The following ZNF423 variants were observed in gnomAD, a reference collection of about 807,000 sequenced individuals.
ZNF423 encodes the protein Ebf-associated zinc finger protein.
A neutral mutation model predicts 95.8 loss-of-function variants in ZNF423; 12 were observed. The ratio of observed to expected loss-of-function variants is 0.13; its 90% CI spans 0.08 to 0.20. ZNF423 has a LOEUF of 0.20. Ranked by LOEUF, ZNF423 falls within the 10% of genes least tolerant of loss-of-function variation. The pLI is 1.00. For synonymous variants in ZNF423, 749 were observed against 711.9 expected, an observed-to-expected ratio of 1.05 and a Z score of -0.83; for missense variants, 1,316 against 1,737.1, an observed-to-expected ratio of 0.76 and a Z score of 4.31.
chr16:49,683,475 G>T (rs1034185693), intron 3 of ZNF423, among the ~76,000 whole-genome samples: 3 of 152,174 alleles, frequency 2.0e-5, no homozygotes, highest in Non-Finnish European at 4.4e-5. Context: ...CAGAGAACTT[G>T]ACACCCAGAG....
intron 1 of ZNF423, among the ~76,000 whole-genome samples, chr16:49,831,457 G>C (rs749762419): frequency 2.6e-5 from 4 of 152,174 alleles, no homozygotes; most frequent in Non-Finnish European, 4.4e-5. Flanking sequence ...TCGGGCAGCT[G>C]TATGACCTTG....
At chr16:49,749,967 A>G (rs1422402605) in intron 2 of ZNF423, among the ~76,000 whole-genome samples, 1 of 152,182 alleles carries the variant, frequency 6.6e-6, no homozygotes, top group East Asian at 1.9e-4. Context: ...CACTCTCCCC[A>G]CATCCCAGTC....
intron 2 of ZNF423, among the ~76,000 whole-genome samples, chr16:49,757,467 A>G (rs1299026925): frequency 6.6e-6 from 1 of 152,226 alleles, no homozygotes; most frequent in Admixed American, 6.5e-5. Context: ...CTTGAAGTTA[A>G]GTTTCCAGGA....
chr16:49,846,399 G>C (rs928071692), intron 1 of ZNF423, among the ~76,000 whole-genome samples: 1 of 151,970 alleles, frequency 6.6e-6, no homozygotes. Flanking sequence ...AACCAAGGTT[G>C]CCAGAAACAC....
At chr16:49,537,067 A>G (rs529284882) in intron 5 of ZNF423, among the ~76,000 whole-genome samples, 21 of 152,350 alleles carry the variant, frequency 1.4e-4, no homozygotes, top group African/African-American at 5.0e-4. Flanking sequence ...TGCCTGAGAA[A>G]CCACTTAGAT....
At chr16:49,650,476 G>A (rs951908880) in intron 3 of ZNF423, among the ~76,000 whole-genome samples, 16 of 152,202 alleles carry the variant, frequency 1.1e-4, no homozygotes, top group African/African-American at 3.6e-4. Flanking sequence ...ATCATTCATC[G>A]TAAATCCCAT....
At chr16:49,786,127 G>C (rs904905065) in intron 2 of ZNF423, among the ~76,000 whole-genome samples, 1 of 152,172 alleles carries the variant, frequency 6.6e-6, no homozygotes, top group Non-Finnish European at 1.5e-5. Flanking sequence ...GTGGGCCTGC[G>C]CACTCCGCTC....
intron 1 of ZNF423, chr16:49,854,240 G>A (rs1378019960): frequency 1.1e-5 from 11 of 985,306 alleles, no homozygotes; most frequent in Non-Finnish European, 1.3e-5. Context: ...TTCTCTCAGG[G>A]AAAAGGAGGA....
At chr16:49,602,511 TG>T (rs111980769) in intron 5 of ZNF423, among the ~76,000 whole-genome samples, 1 of 151,696 alleles carries the variant, frequency 6.6e-6, no homozygotes, top group Non-Finnish European at 1.5e-5. Flanking sequence ...GAGTTTCGGG[TG>T]GGGGGCAGTT....
chr16:49,505,824 C>T (rs542102001), intron 7 of ZNF423, among the ~76,000 whole-genome samples: 1 of 152,152 alleles, frequency 6.6e-6, no homozygotes, highest in Non-Finnish European at 1.5e-5. Flanking sequence ...AATGCTGTGG[C>T]CTGGCCTCAA....
intron 5 of ZNF423, among the ~76,000 whole-genome samples, chr16:49,547,521 G>T (rs950349622): frequency 4.6e-5 from 7 of 152,196 alleles, no homozygotes; most frequent in Non-Finnish European, 1.0e-4. Flanking sequence ...GAGGATGTTT[G>T]CATTCATCAA....
At chr16:49,815,908 ATATATATTTTTTTTT>A (rs1567356481) in intron 1 of ZNF423, among the ~76,000 whole-genome samples, 8 of 41,272 alleles carry the variant, frequency 1.9e-4, no homozygotes, top group African/African-American at 8.1e-4. Context: ...ATATATATAT[ATATATATTTTTTTTT>A]TTTTTTTTTT....
chr16:49,851,722 T>C (rs1332079275), intron 1 of ZNF423, among the ~76,000 whole-genome samples: 1 of 152,206 alleles, frequency 6.6e-6, no homozygotes, highest in Non-Finnish European at 1.5e-5. Context: ...TGGTTAACCG[T>C]TTAGCAGGAT....
chr16:49,618,964 C>T, intron 5 of ZNF423, among the ~76,000 whole-genome samples: 1 of 152,184 alleles, frequency 6.6e-6, no homozygotes, highest in Non-Finnish European at 1.5e-5. Flanking sequence ...TGCTGTGATC[C>T]ACCCACCTCC....
chr16:49,495,014 C>A (rs189126555), intron 7 of ZNF423, among the ~76,000 whole-genome samples: 1 of 152,324 alleles, frequency 6.6e-6, no homozygotes, highest in East Asian at 1.9e-4. Context: ...CTACCCACCC[C>A]ACAGATGAAC....
intron 2 of ZNF423, among the ~76,000 whole-genome samples, chr16:49,765,711 C>A (rs563559344): frequency 5.3e-5 from 8 of 152,212 alleles, no homozygotes; most frequent in South Asian, 4.1e-4. Context: ...CAGAACGAGA[C>A]CCTACCTTGA....
chr16:49,578,890 C>T (rs141790695), intron 5 of ZNF423, among the ~76,000 whole-genome samples: 150 of 152,296 alleles, frequency 9.8e-4, no homozygotes, highest in Admixed American at 7.9e-3. Context: ...GAACAAAATG[C>T]GCTAGTGTTA....
chr16:49,711,863 C>G (rs2032553508), intron 3 of ZNF423: 1 of 152,212 alleles, frequency 6.6e-6, no homozygotes, highest in Admixed American at 6.5e-5. Context: ...AATCCCAACA[C>G]TTTGGGAGGC....
chr16:49,548,110 C>T (rs532787380), intron 5 of ZNF423, among the ~76,000 whole-genome samples: 2 of 152,306 alleles, frequency 1.3e-5, no homozygotes, highest in South Asian at 2.1e-4. Flanking sequence ...TGCCACACAT[C>T]ACCCACTGTC....
Sources: gnomAD v4.1 joint callset for allele counts (sites outside exome capture counted in the v4.1 genomes callset) on GRCh38, gnomAD v4.1.1 for gene constraint, MANE v1.5 for transcripts, NCBI Gene and HGNC (gene_info 2026-07-23, HGNC 2026-07-21) for gene names.